ZNF652: variants seen among roughly 807,000 people sequenced by gnomAD.
ZNF652 encodes the protein zinc finger protein 652.
A neutral mutation model predicts 45.2 loss-of-function variants in ZNF652; 16 were observed. That is an observed-to-expected ratio of 0.35 (90% CI 0.24 to 0.54). The LOEUF is 0.54. Among genes scored for constraint, ZNF652 ranks in the 20% least tolerant of loss-of-function variants. ZNF652 has a pLI of 0.91. For missense variants in ZNF652, 614 were observed against 765.6 expected (o/e 0.80, Z 2.34); for synonymous variants, 250 against 260.6 (o/e 0.96, Z 0.39).
At chr17:49,339,550 A>C (rs1365797541) in intron 1 of ZNF652, among the ~76,000 whole-genome samples, 1 of 152,124 alleles carries the variant, frequency 6.6e-6, no homozygotes, top group African/African-American at 2.4e-5. Flanking sequence ...CTTCCAAGAC[A>C]ATCTGGCCTC....
intron 1 of ZNF652, among the ~76,000 whole-genome samples, chr17:49,343,927 G>T (rs1236777896): frequency 1.3e-5 from 2 of 152,106 alleles, no homozygotes; most frequent in African/African-American, 4.8e-5. Context: ...GGCCAGGCGC[G>T]GTGGCTCAAG....
At chr17:49,331,651 AAAAAAAT>A (rs2070026404) in intron 1 of ZNF652, among the ~76,000 whole-genome samples, 1 of 7,924 alleles carries the variant, frequency 1.3e-4, no homozygotes, top group African/African-American at 9.8e-4. Flanking sequence ...TATAAAAAAT[AAAAAAAT>A]AAAAAAATAA....
intron 1 of ZNF652, among the ~76,000 whole-genome samples, chr17:49,319,403 C>T (rs191937333): frequency 1.3e-5 from 2 of 151,316 alleles, no homozygotes; most frequent in Admixed American, 6.6e-5. Context: ...GGGAGGCCAA[C>T]GTAGTCGGAT....
intron 1 of ZNF652, among the ~76,000 whole-genome samples, chr17:49,340,549 CAAAAAAA>C (rs1040246588): frequency 1.3e-3 from 65 of 50,130 alleles, no homozygotes; most frequent in African/African-American, 3.7e-3. Flanking sequence ...GACTCTGTCT[CAAAAAAA>C]AAAAAAAAAA....
intron 1 of ZNF652, among the ~76,000 whole-genome samples, chr17:49,333,159 G>A (rs140503890): frequency 0.081 from 12,275 of 151,350 alleles, 594 homozygotes; most frequent in Middle Eastern, 0.14. Flanking sequence ...CTGGGTTCAC[G>A]CCATTCTCCT....
At chr17:49,304,055 A>ATTTTTTTTTTT (rs58790188) in intron 5 of ZNF652, among the ~76,000 whole-genome samples, 5 of 117,422 alleles carry the variant, frequency 4.3e-5, no homozygotes, top group Non-Finnish European at 6.8e-5. Context: ...TGCCTGGCTA[A>ATTTTTTTTTTT]TTTTTTTTTT....
intron 1 of ZNF652, among the ~76,000 whole-genome samples, chr17:49,347,038 A>C (rs888043884): frequency 6.6e-6 from 1 of 152,254 alleles, no homozygotes; most frequent in Admixed American, 6.5e-5. Flanking sequence ...AAGATAGGAC[A>C]ACTGAGTATC....
chr17:49,351,008 TATATATACACACACACACACACACAC>T (rs2070271776), intron 1 of ZNF652, among the ~76,000 whole-genome samples: 3 of 18,458 alleles, frequency 1.6e-4, no homozygotes, highest in African/African-American at 8.6e-4. Flanking sequence ...TATATATATA[TATATATACACACACACACACACACAC>T]ACACACACAC....
intron 1 of ZNF652, among the ~76,000 whole-genome samples, chr17:49,355,945 A>AT (rs987421895): frequency 3.9e-5 from 6 of 152,110 alleles, no homozygotes; most frequent in African/African-American, 1.4e-4. Context: ...TGTTATAATC[A>AT]TTTTAAAGAC....
rs2069468039 is a variant in ZNF652, at chr17:49,295,937, C to CAAAAAAAAAACAAAAAAAAAAAAAAAA, written c.*2475_*2476insTTTTTTTTTTTTTTTTGTTTTTTTTTT. 1 of 51,222 alleles carries CAAAAAAAAAACAAAAAAAAAAAAAAAA rather than the reference C, an allele frequency of 2.0e-5. No homozygotes were observed. The highest frequency in any genetic ancestry group is 7.4e-5 in the African/African-American group (1 of 13,604). 3.2% of individuals were successfully genotyped at this position (51,222 alleles called of 1,614,324 possible). A position where few individuals can be genotyped will look rare whatever the true frequency, so the allele number is the denominator to read the frequency against. On this transcript the variant is annotated 3_prime_UTR_variant, in exon 6 of 6. Transcript: ENST00000430262. ...CAGGCAACAGAACAAGACTCTGCCTCAAAAAAAAAAAAAAAAAAAAAAAAA... is the reference window on the plus strand; with the variant it reads ...CAGGCAACAGAACAAGACTCTGCCTCAAAAAAAAAACAAAAAAAAAAAAAAAAAAAAAAAAAAAAAAAAAAAAAAAAA...
intron 2 of ZNF652, among the ~76,000 whole-genome samples, chr17:49,313,973 C>A (rs1041349174): frequency 2.2e-4 from 5 of 22,866 alleles, no homozygotes; most frequent in Non-Finnish European, 2.9e-4. Context: ...AACTCCATCT[C>A]AAAAAAAAAA....
chr17:49,331,080 A>C (rs2070018315), intron 1 of ZNF652, among the ~76,000 whole-genome samples: 2 of 151,058 alleles, frequency 1.3e-5, no homozygotes, highest in Admixed American at 6.6e-5. Flanking sequence ...AAAAAAAAAA[A>C]AGAAAAAAGA....
intron 1 of ZNF652, among the ~76,000 whole-genome samples, chr17:49,338,025 A>T (rs1055764415): frequency 6.6e-6 from 1 of 152,012 alleles, no homozygotes; most frequent in Non-Finnish European, 1.5e-5. Flanking sequence ...TCTCACTCCA[A>T]CGCTCAGGCT....
chr17:49,306,126 G>A (rs2069625523), intron 5 of ZNF652, among the ~76,000 whole-genome samples: 1 of 152,188 alleles, frequency 6.6e-6, no homozygotes, highest in Non-Finnish European at 1.5e-5. Context: ...GGCAGAGCCA[G>A]GTTTGTCCAA....
chr17:49,325,092 C>A (rs778758389), intron 1 of ZNF652, among the ~76,000 whole-genome samples: 2 of 152,114 alleles, frequency 1.3e-5, no homozygotes, highest in African/African-American at 4.8e-5. Context: ...TTTGCATTCA[C>A]GACTTGATAG....
At chr17:49,341,875 C>T (rs1449478615) in intron 1 of ZNF652, among the ~76,000 whole-genome samples, 1 of 152,008 alleles carries the variant, frequency 6.6e-6, no homozygotes, top group Non-Finnish European at 1.5e-5. Context: ...CCTTAAAACA[C>T]TTTTAGTCTT....
chr17:49,348,667 A>G (rs1483063967), intron 1 of ZNF652, among the ~76,000 whole-genome samples: 1 of 152,158 alleles, frequency 6.6e-6, no homozygotes, highest in East Asian at 1.9e-4. Context: ...GTCAATTGGG[A>G]CATACACATA....
Position 49,293,270 on chromosome 17 carries a change from T to G in ZNF652, c.*5143A>C, listed in dbSNP as rs1490951116. Among the ~76,000 whole-genome samples, 1 of 152,174 alleles carries G rather than the reference T, an allele frequency of 6.6e-6. No homozygotes were observed. Among genetic ancestry groups the G allele is most frequent in the Admixed American group, 6.5e-5 (1 of 15,278 alleles). On this transcript the variant is annotated 3_prime_UTR_variant, in exon 6 of 6. Coordinates refer to ENST00000430262, the MANE Select transcript of ZNF652 (RefSeq NM_001145365.3). The stretch of plus-strand genomic sequence containing the variant: ...AAAGTATTCTGACTTAAGTAAAGAA[T>G]TTGATAAATGGTATGTGATCTGGTT...
In ZNF652 at chr17:49,294,651, C is replaced by T. The variant is rs1306645771; in HGVS notation, c.*3762G>A. 3 of 152,004 alleles carry T rather than the reference C, an allele frequency of 2.0e-5. No individual in the cohort carries two copies. Among genetic ancestry groups the T allele is most frequent in the African/African-American group, 4.8e-5 (2 of 41,380 alleles). The allele number at this position is 152,004 out of a possible 1,614,324, so 9.4% of individuals were successfully genotyped here. A position where few individuals can be genotyped will look rare whatever the true frequency, so the allele number is the denominator to read the frequency against. ...ATGAGAGAAAATAGAAAAATAAAAA[C>T]GAAACAAATACAAACCAACCCACAC... On this transcript the variant is annotated 3_prime_UTR_variant, in exon 6 of 6. Coordinates refer to ENST00000430262, the MANE Select transcript of ZNF652 (RefSeq NM_001145365.3).
Sources: allele counts gnomAD v4.1 joint callset (sites outside exome capture counted in the v4.1 genomes callset), GRCh38; gene constraint gnomAD v4.1.1; transcripts MANE v1.5; gene names NCBI Gene and HGNC (gene_info 2026-07-23, HGNC 2026-07-21).